Variants in ARSL observed in about 807,000 individuals in gnomAD.
The protein encoded by ARSL is arylsulfatase L.
ARSL carries 4 observed loss-of-function variants against 31.1 expected under a neutral mutation model. The ratio of observed to expected loss-of-function variants is 0.13; its 90% CI spans 0.06 to 0.29. The LOEUF is 0.29. Ranked by LOEUF, ARSL falls within the 10% of genes least tolerant of loss-of-function variation. The pLI, the probability that ARSL is intolerant of heterozygous loss-of-function variation, is 1.00. For synonymous variants in ARSL, 198 were observed against 209.9 expected (o/e 0.94, Z 0.49); for missense variants, 312 against 497.8 (o/e 0.63, Z 3.55).
chrX:2,964,135 A>T (rs1040037856), intron 1 of ARSL, 89 bp downstream of exon 1: 23 of 747,769 alleles, frequency 3.1e-5, no homozygotes, highest in Non-Finnish European at 3.1e-5. Flanking sequence ...AGAGACAGAA[A>T]AGGGAACGGG....
intron 9 of ARSL, 131 bp from the exon 10 acceptor site, chrX:2,936,994 G>GTTCACACCCAGAC: frequency 1.1e-6 from 1 of 918,661 alleles, no homozygotes; most frequent in Non-Finnish European, 1.5e-6. Flanking sequence ...GAAAGTCTGG[G>GTTCACACCCAGAC]TGTGAACGCA....
chrX:2,961,628 A>C (rs955511146), intron 1 of ARSL, among the ~76,000 whole-genome samples: 1 of 112,076 alleles, frequency 8.9e-6, no homozygotes, highest in Non-Finnish European at 1.9e-5. Context: ...AAAAATTTGC[A>C]TCTGTAAAGA....
At chrX:2,944,964 A>G (rs1041390441) in intron 7 of ARSL, among the ~76,000 whole-genome samples, 2 of 108,319 alleles carry the variant, frequency 1.8e-5, no homozygotes, top group African/African-American at 7.1e-5. Flanking sequence ...TGGAAGAGGA[A>G]GAAGAAGGAG....
intron 5 of ARSL, among the ~76,000 whole-genome samples, chrX:2,951,630 A>G (rs1031831849): frequency 9.5e-6 from 1 of 104,909 alleles, no homozygotes; most frequent in Non-Finnish European, 1.9e-5. Context: ...AAAAAAAAAA[A>G]AAAAAGAAAA....
At chrX:2,962,745 A>C (rs892212752) in intron 1 of ARSL, among the ~76,000 whole-genome samples, 1 of 111,852 alleles carries the variant, frequency 8.9e-6, no homozygotes, top group African/African-American at 3.3e-5. Flanking sequence ...CAAGGCCCGC[A>C]AGTCAATAAG....
At chrX:2,944,667 C>T (rs1343481473) in intron 7 of ARSL, among the ~76,000 whole-genome samples, 1 of 109,119 alleles carries the variant, frequency 9.2e-6, no homozygotes, top group Non-Finnish European at 1.9e-5. Flanking sequence ...CCCTGCGGTT[C>T]CTAAGTTCTT....
chrX:2,961,196 C>T (rs1004500458), intron 1 of ARSL, among the ~76,000 whole-genome samples: 12 of 111,281 alleles, frequency 1.1e-4, no homozygotes, highest in African/African-American at 3.3e-4. Flanking sequence ...CAGAGGGAAA[C>T]GGGCGACCCC....
rs1312592816 is a variant in ARSL at position 2,938,377 on chromosome X, A to G, written c.1127-120T>C. On this transcript the variant is annotated intron_variant, in intron 8 of 10. Transcript: ENST00000381134. The stretch of plus-strand genomic sequence containing the variant: ...AAGTTTCTCTCTCCCTGAGTCTCTC[A>G]ATTTCTCTCTCTCTCTCTCTCTGTT... The G allele has an allele frequency of 3.3e-6, 3 of 897,873 alleles. No homozygotes were observed. In the African/African-American group the frequency reaches 6.3e-5, roughly 19 times the overall value. The allele number at this position is 897,873 out of a possible 1,213,427, so 74.0% of individuals were successfully genotyped here.
At chrX:2,959,595 A>G in intron 2 of ARSL, 2 of 1,147,957 alleles carry the variant, frequency 1.7e-6, no homozygotes, top group Non-Finnish European at 2.3e-6. Flanking sequence ...GTAGCGGTTG[A>G]TGCCCACCTG....
chrX:2,959,798 A>G (rs1181340594), intron 2 of ARSL: 13 of 990,712 alleles, frequency 1.3e-5, no homozygotes, highest in Non-Finnish European at 1.7e-5. Context: ...GCTCATGCCC[A>G]TTATCTGAGC....
In ARSL at chrX:2,960,399, ATGT is replaced by A; in HGVS notation, c.-2_1del. 1 of 1,201,598 alleles carries A rather than the reference ATGT, an allele frequency of 8.3e-7. No individual in the cohort carries two copies. Among genetic ancestry groups the A allele is most frequent in the Non-Finnish European group, 1.1e-6 (1 of 888,499 alleles). ...TTACCAAGAATGGTGCAGATGTAAC[ATGT>A]TGTCTCTCTCTCTACTTCCTGTAAG... On this transcript the variant is annotated start_lost and start_retained_variant and 5_prime_UTR_variant, in exon 2 of 11. Coordinates refer to ENST00000381134, the MANE Select transcript of ARSL (RefSeq NM_000047.3).
chrX:2,950,525 T>A, intron 5 of ARSL, among the ~76,000 whole-genome samples: 1 of 111,508 alleles, frequency 9.0e-6, no homozygotes, highest in Non-Finnish European at 1.9e-5. Context: ...AATTGAATCA[T>A]GGAGGTGGTT....
chrX:2,967,864 AG>A (rs1444888814), upstream of ARSL, among the ~76,000 whole-genome samples: 4 of 110,783 alleles, frequency 3.6e-5, no homozygotes, highest in Admixed American at 9.7e-5. Flanking sequence ...ACGTGCCTTC[AG>A]CATCTCTAAG....
chrX:2,958,130 A>G, intron 3 of ARSL, 144 bp downstream of exon 3: 1 of 793,866 alleles, frequency 1.3e-6, no homozygotes, highest in Non-Finnish European at 1.8e-6. Context: ...AGAAAGTAAC[A>G]TTAGGGAGAG....
intron 10 of ARSL, 136 bp from the exon 11 acceptor site, chrX:2,935,326 T>TACATCTTACATGGC: frequency 1.9e-6 from 1 of 539,356 alleles, no homozygotes; most frequent in Non-Finnish European, 3.1e-6. Context: ...CAAAACATGG[T>TACATCTTACATGGC]ACATCTTACA....
intron 3 of ARSL, 149 bp downstream of exon 3, chrX:2,958,125 G>GT: frequency 1.3e-6 from 1 of 751,068 alleles, no homozygotes; most frequent in Admixed American, 2.8e-5. Context: ...TGGGAAGAAA[G>GT]TAACATTAGG....
At position 2,942,352 on chromosome X, in the gene ARSL, C is replaced by T. The variant is rs143329683; in HGVS notation, c.1126+713G>A. ...TATTGCTTAGGCTGGAGTGCAGTGGCGCGATCTCAGCTCACTGCAACCTCC... is the reference window on the plus strand; with the variant it reads ...TATTGCTTAGGCTGGAGTGCAGTGGTGCGATCTCAGCTCACTGCAACCTCC... On this transcript the variant is annotated intron_variant, in intron 8 of 10. Coordinates refer to ENST00000381134, the MANE Select transcript of ARSL (RefSeq NM_000047.3). Among the ~76,000 whole-genome samples the T allele has an allele frequency of 3.1e-3, 349 of 111,155 alleles. 2 individuals are homozygous for T. Among genetic ancestry groups the T allele is most frequent in the African/African-American group, 0.011 (333 of 30,569 alleles).
upstream of ARSL, among the ~76,000 whole-genome samples, chrX:2,965,278 A>G (rs943385499): frequency 4.5e-5 from 5 of 111,229 alleles, no homozygotes; most frequent in Non-Finnish European, 9.4e-5. Context: ...AGGTGGGCCG[A>G]TCACTTGAAC....
intron 3 of ARSL, among the ~76,000 whole-genome samples, chrX:2,956,454 ATGTT>A (rs1441195952): frequency 9.0e-6 from 1 of 110,856 alleles, no homozygotes; most frequent in East Asian, 2.9e-4. Flanking sequence ...TTTCTCCTGT[ATGTT>A]TGTTTATTTG....
Sources: allele counts gnomAD v4.1 joint callset (sites outside exome capture counted in the v4.1 genomes callset), GRCh38; gene constraint gnomAD v4.1.1; transcripts MANE v1.5; gene names NCBI Gene and HGNC (gene_info 2026-07-23, HGNC 2026-07-21).